The following WRN variants were observed in gnomAD, a reference collection of about 807,000 sequenced individuals.
WRN encodes WRN RecQ like helicase.
A neutral mutation model predicts 180.7 loss-of-function variants in WRN; 149 were observed. That is an observed-to-expected ratio of 0.82 (90% CI 0.72 to 0.94). The LOEUF (loss-of-function observed/expected upper bound fraction) is 0.94, where lower values mean the gene tolerates loss of function less well. Among genes scored for constraint, WRN ranks in the 40% least tolerant of loss-of-function variants. The pLI is 0.00. For synonymous variants in WRN, 548 were observed against 568.9 expected, an observed-to-expected ratio of 0.96 and a Z score of 0.52; for missense variants, 1,661 against 1,700.1, an observed-to-expected ratio of 0.98 and a Z score of 0.40.
At chr8:31,138,718 C>T (rs889978542) in intron 24 of WRN, among the ~76,000 whole-genome samples, 6 of 152,110 alleles carry the variant, frequency 3.9e-5, no homozygotes, top group African/African-American at 1.4e-4. Flanking sequence ...ATCATCAGGA[C>T]ACCAAAATTC....
In WRN at chr8:31,065,025, A is replaced by C. The variant is rs758208189; in HGVS notation, c.466A>C (p.Lys156Gln). The C allele has an allele frequency of 1.2e-6, 2 of 1,613,676 alleles. No homozygotes were observed. Among genetic ancestry groups the C allele is most frequent in the Admixed American group, 3.3e-5 (2 of 60,018 alleles). Reference protein sequence around the residue: ...KLLRDFDIKLKNFVELTDVAN... With the variant: ...KLLRDFDIKLQNFVELTDVAN... ...TCTACGTGACTTTGATATCAAATTGAAGAATTTTGTGGAGTTGACAGATGT... is the reference window on the plus strand; with the variant it reads ...TCTACGTGACTTTGATATCAAATTGCAGAATTTTGTGGAGTTGACAGATGT... Residue 156 changes from lysine to glutamine, a missense_variant, in exon 5 of 35, where the codon AAG (lysine) becomes CAG (glutamine). Coordinates refer to ENST00000298139, the MANE Select transcript of WRN (RefSeq NM_000553.6).
intron 26 of WRN, 74 bp downstream of exon 26, chr8:31,141,849 T>G: frequency 7.2e-7 from 1 of 1,386,542 alleles, no homozygotes; most frequent in Non-Finnish European, 1.0e-6. Context: ...TTATACCAGT[T>G]TATAGGCCTC....
chr8:31,167,786 G>T (rs910843933), intron 34 of WRN, among the ~76,000 whole-genome samples: 48 of 151,986 alleles, frequency 3.2e-4, no homozygotes, highest in Admixed American at 1.0e-3. Flanking sequence ...AAAAATAATT[G>T]CTCTGTGTAT....
At chr8:31,099,393 A>G (rs1354113317) in intron 17 of WRN, among the ~76,000 whole-genome samples, 1 of 151,358 alleles carries the variant, frequency 6.6e-6, no homozygotes, top group Non-Finnish European at 1.5e-5. Context: ...AAAGGAAGGA[A>G]GGAAGGAAGG....
intron 34 of WRN, among the ~76,000 whole-genome samples, chr8:31,168,147 A>C (rs1803971146): frequency 1.3e-5 from 2 of 152,156 alleles, no homozygotes; most frequent in African/African-American, 4.8e-5. Context: ...CTGTATATAT[A>C]GTCATGTCCT....
intron 21 of WRN, among the ~76,000 whole-genome samples, chr8:31,124,224 A>G (rs577608034): frequency 6.6e-6 from 1 of 152,230 alleles, no homozygotes; most frequent in African/African-American, 2.4e-5. Context: ...TTGAAATGAA[A>G]AACCTTAGAG....
At chr8:31,124,695 A>G in intron 22 of WRN, 72 bp downstream of exon 22, 1 of 1,434,602 alleles carries the variant, frequency 7.0e-7, no homozygotes, top group Non-Finnish European at 9.8e-7. Flanking sequence ...CAATTTGGCT[A>G]AATAATTATC....
chr8:31,037,118 T>C (rs1384241728), intron 1 of WRN, among the ~76,000 whole-genome samples: 1 of 152,234 alleles, frequency 6.6e-6, no homozygotes, highest in Non-Finnish European at 1.5e-5. Flanking sequence ...TAATGTAGAA[T>C]CACTGGGAGC....
intron 20 of WRN, among the ~76,000 whole-genome samples, chr8:31,117,669 G>A (rs993004309): frequency 3.3e-5 from 5 of 151,952 alleles, no homozygotes; most frequent in East Asian, 1.9e-4. Flanking sequence ...CTGTCCCACC[G>A]GTCATCCATT....
In WRN at chr8:31,088,871, C is replaced by G. The variant is rs772782126; in HGVS notation, c.1577-19C>G. ...GTTTTTCTACTTGAACATAAATGCA[C>G]ATTTTATTTTATTTCCAGACTTTTT... On this transcript the variant is annotated intron_variant, in intron 12 of 34. Coordinates refer to ENST00000298139, the MANE Select transcript of WRN (RefSeq NM_000553.6). The G allele has an allele frequency of 1.3e-6, 2 of 1,597,902 alleles. No individual in the cohort carries two copies. Among genetic ancestry groups the G allele is most frequent in the South Asian group, 2.2e-5 (2 of 89,288 alleles).
intron 33 of WRN, among the ~76,000 whole-genome samples, chr8:31,158,305 C>T (rs563906269): frequency 3.9e-5 from 6 of 152,220 alleles, no homozygotes; most frequent in East Asian, 1.9e-4. Context: ...TTCTGTGGGC[C>T]GCTACGTAGA....
At chr8:31,117,026 T>C (rs1247241558) in intron 20 of WRN, among the ~76,000 whole-genome samples, 2 of 152,136 alleles carry the variant, frequency 1.3e-5, no homozygotes, top group Admixed American at 6.5e-5. Flanking sequence ...CGTTAGAGAC[T>C]TGAGAGAACA....
chr8:31,139,466 T>C (rs904774489), intron 24 of WRN, among the ~76,000 whole-genome samples: 7 of 152,242 alleles, frequency 4.6e-5, no homozygotes, highest in African/African-American at 1.7e-4. Context: ...AAGGTTCCAC[T>C]GCAAAATAGT....
At position 31,120,302 on chromosome 8, in the gene WRN, C is replaced by T. The variant is rs777161223; in HGVS notation, c.2508C>T (p.Val836=). 1.2e-6 allele frequency: 2 copies of T among 1,613,052 alleles called. No individual in the cohort carries two copies. The highest frequency in any genetic ancestry group is 3.3e-5 in the Admixed American group (2 of 59,960). ...TTAATAAAGCTGACATTCGCCAAGT[C>T]ATTCATTACGGTGCTCCTAAGGACA... The part of the protein sequence containing the change: ...MGINKADIRQ[V]IHYGAPKDME... The change falls in exon 21 of 35, where the codon GTC becomes GTT. Residue 836 remains valine (V), a synonymous_variant. Coordinates refer to ENST00000298139, the MANE Select transcript of WRN (RefSeq NM_000553.6).
intron 22 of WRN, 112 bp from the exon 23 acceptor site, chr8:31,124,796 A>T (rs1028942285): frequency 8.8e-6 from 11 of 1,246,616 alleles, no homozygotes; most frequent in Admixed American, 3.9e-5. Context: ...AAGTCAAATA[A>T]TGAAGTCCCA....
intron 17 of WRN, 67 bp downstream of exon 17, chr8:31,096,917 G>A (rs1814011109): frequency 7.2e-7 from 1 of 1,393,402 alleles, no homozygotes; most frequent in Non-Finnish European, 1.0e-6. Context: ...ACCTATGGAT[G>A]GACACTGGAT....
chr8:31,048,277 TG>T (rs1811944788), intron 1 of WRN, among the ~76,000 whole-genome samples: 2 of 152,194 alleles, frequency 1.3e-5, no homozygotes, highest in East Asian at 3.8e-4. Flanking sequence ...TTAGCAGAAA[TG>T]TAGTAATAGA....
intron 23 of WRN, among the ~76,000 whole-genome samples, chr8:31,127,012 T>C (rs2130353454): frequency 6.6e-6 from 1 of 152,308 alleles, no homozygotes; most frequent in South Asian, 2.1e-4. Flanking sequence ...AATCTCAAGC[T>C]AATTAAACTT....
intron 8 of WRN, among the ~76,000 whole-genome samples, chr8:31,080,659 T>C (rs1167541663): frequency 1.3e-5 from 2 of 152,124 alleles, no homozygotes; most frequent in East Asian, 1.9e-4. Flanking sequence ...ACAAGTCAAC[T>C]GTTGGTGCAG....
Sources: gnomAD v4.1 joint callset for allele counts (sites outside exome capture counted in the v4.1 genomes callset) on GRCh38, gnomAD v4.1.1 for gene constraint, MANE v1.5 for transcripts, NCBI Gene and HGNC (gene_info 2026-07-23, HGNC 2026-07-21) for gene names.